ERBB4: variants seen among roughly 807,000 people sequenced by gnomAD.
ERBB4 encodes erb-b2 receptor tyrosine kinase 4, also known as receptor tyrosine-protein kinase erbB-4.
In ERBB4, 42 loss-of-function variants were observed where a neutral mutation model predicts 158.0. The ratio of observed to expected loss-of-function variants is 0.27; its 90% CI spans 0.21 to 0.34. ERBB4 has a LOEUF of 0.34. Among genes scored for constraint, ERBB4 ranks in the 10% least tolerant of loss-of-function variants. The pLI is 1.00. For missense variants in ERBB4, 1,333 were observed against 1,624.1 expected (o/e 0.82, Z 3.08); for synonymous variants, 583 against 558.7 (o/e 1.04, Z -0.61).
chr2:212,164,354 T>C (rs1342418496), intron 1 of ERBB4, among the ~76,000 whole-genome samples: 1 of 152,094 alleles, frequency 6.6e-6, no homozygotes, highest in Non-Finnish European at 1.5e-5. Context: ...TAGACATATT[T>C]AATCCAAGTA....
At position 212,024,123 on chromosome 2, in the gene ERBB4, G is replaced by A. The variant is rs186076793; in HGVS notation, c.235-76507C>T. 2.0e-5 allele frequency among the ~76,000 whole-genome samples: 3 copies of A among 151,838 alleles called. No individual in the cohort carries two copies. In the East Asian group the frequency reaches 5.8e-4, roughly 29 times the overall value. ...AATCTCGATACCCAGGGTATTTTAG[G>A]TGTGAGCTGACTTAAATCTTTGTAT... On this transcript the variant is annotated intron_variant, in intron 2 of 27. Coordinates refer to ENST00000342788, the MANE Select transcript of ERBB4 (RefSeq NM_005235.3).
chr2:212,478,108 T>C (rs750529637), intron 1 of ERBB4, among the ~76,000 whole-genome samples: 27 of 152,122 alleles, frequency 1.8e-4, no homozygotes, highest in Non-Finnish European at 1.5e-4. Flanking sequence ...CTCATTCAAG[T>C]TCATTATTCT....
At chr2:211,909,815 G>T (rs749783486) in intron 3 of ERBB4, among the ~76,000 whole-genome samples, 1 of 151,836 alleles carries the variant, frequency 6.6e-6, no homozygotes, top group Non-Finnish European at 1.5e-5. Context: ...GATGTGAGGA[G>T]AAGATAACTA....
At chr2:212,395,022 T>G (rs2090983484) in intron 1 of ERBB4, among the ~76,000 whole-genome samples, 1 of 152,112 alleles carries the variant, frequency 6.6e-6, no homozygotes, top group Non-Finnish European at 1.5e-5. Flanking sequence ...AACATAAAAC[T>G]TTCACAGGTT....
intron 19 of ERBB4, among the ~76,000 whole-genome samples, chr2:211,566,432 T>A (rs2067550752): frequency 6.6e-6 from 1 of 152,202 alleles, no homozygotes; most frequent in African/African-American, 2.4e-5. Flanking sequence ...TTTTGCATAA[T>A]TAGCAGAGCC....
chr2:211,864,458 T>C (rs953236425), intron 3 of ERBB4, among the ~76,000 whole-genome samples: 3 of 152,146 alleles, frequency 2.0e-5, no homozygotes. Context: ...AAGCTGGTGG[T>C]TCAGGTCAAG....
At chr2:211,428,891 A>G (rs974891265) in intron 21 of ERBB4, among the ~76,000 whole-genome samples, 1 of 151,590 alleles carries the variant, frequency 6.6e-6, no homozygotes, top group African/African-American at 2.4e-5. Context: ...TAATTTTTGC[A>G]TTTTTTTAGA....
At chr2:211,580,608 A>G (rs1026159419) in intron 19 of ERBB4, among the ~76,000 whole-genome samples, 1 of 151,364 alleles carries the variant, frequency 6.6e-6, no homozygotes, top group Non-Finnish European at 1.5e-5. Flanking sequence ...TTAAAGAACT[A>G]AAAGTAAAAC....
chr2:211,561,049 T>G (rs1345252000), intron 20 of ERBB4, among the ~76,000 whole-genome samples: 1 of 152,214 alleles, frequency 6.6e-6, no homozygotes, highest in African/African-American at 2.4e-5. Flanking sequence ...AAACTCATCA[T>G]TGACCTATTT....
Position 212,145,796 on chromosome 2 carries a change from T to A in ERBB4, c.83-20893A>T, listed in dbSNP as rs532984835. 2.0e-5 allele frequency among the ~76,000 whole-genome samples: 3 copies of A among 151,958 alleles called. No homozygotes were observed. The South Asian group carries it at 6.2e-4, about 32-fold the overall frequency. Reference sequence around the variant, plus strand: ...TTGTACTTTCTCATCCTTATCGTCTTATTTTTTTCTCTTTGTCAATCTGTT... The same window carrying A: ...TTGTACTTTCTCATCCTTATCGTCTAATTTTTTTCTCTTTGTCAATCTGTT... On this transcript the variant is annotated intron_variant, in intron 1 of 27. Transcript: ENST00000342788.
intron 4 of ERBB4, chr2:211,778,537 A>G (rs2075950141): frequency 1.3e-5 from 2 of 152,132 alleles, no homozygotes; most frequent in South Asian, 2.1e-4. Flanking sequence ...TACACCCGAT[A>G]TGGCATTCCC....
chr2:212,077,978 C>G (rs73987224), intron 2 of ERBB4, among the ~76,000 whole-genome samples: 3,258 of 152,072 alleles, frequency 0.021, 130 homozygotes, highest in African/African-American at 0.075. Context: ...TCAATCACCA[C>G]ATTCTTGACT....
At chr2:212,103,721 A>AT (rs10707766) in intron 2 of ERBB4, among the ~76,000 whole-genome samples, 153 of 148,172 alleles carry the variant, frequency 1.0e-3, no homozygotes, top group Non-Finnish European at 1.3e-3. Context: ...CTGATTTTTC[A>AT]TTTTTTTTTT....
chr2:212,525,946 T>C (rs143695141), intron 1 of ERBB4, among the ~76,000 whole-genome samples: 1 of 152,062 alleles, frequency 6.6e-6, no homozygotes, highest in Non-Finnish European at 1.5e-5. Context: ...ACAAATGTCC[T>C]TGAAACAAAG....
chr2:211,424,028 G>C (rs780119712), intron 23 of ERBB4, 127 bp downstream of exon 23: 8 of 932,768 alleles, frequency 8.6e-6, no homozygotes, highest in Admixed American at 5.3e-5. Context: ...GCGTTCATAT[G>C]TTCCTTTCAT....
intron 9 of ERBB4, among the ~76,000 whole-genome samples, chr2:211,709,249 A>ATG (rs1385657766): frequency 9.5e-5 from 8 of 84,280 alleles, no homozygotes; most frequent in African/African-American, 3.8e-4. Flanking sequence ...ATATATATAT[A>ATG]TACACATATA....
intron 4 of ERBB4, among the ~76,000 whole-genome samples, chr2:211,762,520 A>G (rs1250819443): frequency 1.3e-5 from 2 of 152,192 alleles, no homozygotes; most frequent in African/African-American, 4.8e-5. Context: ...AGGGAAACAG[A>G]AACCCATGGA....
At chr2:211,637,647 T>C (rs2070410741) in intron 16 of ERBB4, among the ~76,000 whole-genome samples, 1 of 152,146 alleles carries the variant, frequency 6.6e-6, no homozygotes, top group Non-Finnish European at 1.5e-5. Context: ...TTCTAATAAT[T>C]TCCAATACTT....
chr2:211,545,681 T>C (rs2066922596), intron 20 of ERBB4, among the ~76,000 whole-genome samples: 1 of 152,076 alleles, frequency 6.6e-6, no homozygotes, highest in African/African-American at 2.4e-5. Flanking sequence ...GTAAACTGCA[T>C]TCATGCTAAT....
Sources: gnomAD v4.1 joint callset for allele counts (sites outside exome capture counted in the v4.1 genomes callset) on GRCh38, gnomAD v4.1.1 for gene constraint, MANE v1.5 for transcripts, NCBI Gene and HGNC (gene_info 2026-07-23, HGNC 2026-07-21) for gene names.